LARGE1: variants seen among roughly 807,000 people sequenced by gnomAD.
The protein encoded by LARGE1 is LARGE xylosyl- and glucuronyltransferase 1.
A neutral mutation model predicts 87.6 loss-of-function variants in LARGE1; 43 were observed. The observed-to-expected ratio is 0.49, with a 90% CI of 0.38 to 0.63. The LOEUF (loss-of-function observed/expected upper bound fraction) is 0.63. Ranked by LOEUF, LARGE1 falls within the 30% of genes least tolerant of loss-of-function variation. The pLI is 0.00. For missense variants in LARGE1, 802 were observed against 1,000.2 expected (o/e 0.80, Z 2.67); for synonymous variants, 434 against 394.6 (o/e 1.10, Z -1.18).
exon 12 of LARGE1, chr22:33,166,766 T>A (rs569973652): frequency 6.4e-6 from 3 of 471,376 alleles, no homozygotes; most frequent in African/African-American, 6.0e-5. Flanking sequence ...AGGACAATTA[T>A]AGGCATGTGT....
intron 7 of LARGE1, among the ~76,000 whole-genome samples, chr22:33,400,682 A>C (rs1475742969): frequency 1.3e-5 from 2 of 152,172 alleles, no homozygotes; most frequent in Non-Finnish European, 2.9e-5. Flanking sequence ...GAGCTCCTAA[A>C]CAGCCGAAAG....
chr22:33,508,204 T>C (rs971226615), intron 6 of LARGE1, among the ~76,000 whole-genome samples: 2 of 152,174 alleles, frequency 1.3e-5, no homozygotes, highest in African/African-American at 2.4e-5. Flanking sequence ...CAGGTGGTGC[T>C]AGATCCCACC....
chr22:33,112,692 C>T, the LARGE1 span, among the ~76,000 whole-genome samples: 3 of 152,148 alleles, frequency 2.0e-5, no homozygotes, highest in Non-Finnish European at 4.4e-5. Context: ...TCTTGGTGAG[C>T]TCTTCTGAGA....
At chr22:33,174,101 C>T (rs569841822) in intron 11 of LARGE1, among the ~76,000 whole-genome samples, 2 of 152,134 alleles carry the variant, frequency 1.3e-5, no homozygotes, top group African/African-American at 4.8e-5. Flanking sequence ...GTAAAATACT[C>T]CTTAGCAAAT....
At chr22:33,700,977 C>G (rs2082390259) in intron 2 of LARGE1, among the ~76,000 whole-genome samples, 1 of 152,160 alleles carries the variant, frequency 6.6e-6, no homozygotes, top group Non-Finnish European at 1.5e-5. Flanking sequence ...ACGTTGACAG[C>G]AGTGTTTCTC....
At chr22:33,258,516 A>G (rs987281901) in intron 11 of LARGE1, among the ~76,000 whole-genome samples, 5 of 152,330 alleles carry the variant, frequency 3.3e-5, no homozygotes, top group South Asian at 2.1e-4. Context: ...GACTAGGAAC[A>G]TGAGGCTGGG....
chr22:33,401,745 G>A (rs1055817835), intron 7 of LARGE1, among the ~76,000 whole-genome samples: 7 of 152,198 alleles, frequency 4.6e-5, no homozygotes, highest in Admixed American at 3.9e-4. Flanking sequence ...AGAGAAGGGT[G>A]CGATAAAACC....
At chr22:33,479,828 T>A (rs2069235234) in intron 6 of LARGE1, among the ~76,000 whole-genome samples, 1 of 150,406 alleles carries the variant, frequency 6.6e-6, no homozygotes, top group African/African-American at 2.4e-5. Context: ...CACTGCAACC[T>A]CTGTGTCCCA....
intron 10 of LARGE1, among the ~76,000 whole-genome samples, chr22:33,327,888 C>T (rs906916747): frequency 6.6e-6 from 1 of 152,114 alleles, no homozygotes; most frequent in African/African-American, 2.4e-5. Context: ...TTCTGGCACA[C>T]CACAAATGCT....
intron 9 of LARGE1, among the ~76,000 whole-genome samples, chr22:33,357,084 T>C (rs960619032): frequency 6.6e-6 from 1 of 152,216 alleles, no homozygotes; most frequent in African/African-American, 2.4e-5. Context: ...ACTGCAGCAC[T>C]ATTCACAATA....
At chr22:33,606,961 T>C (rs1166369450) in intron 4 of LARGE1, among the ~76,000 whole-genome samples, 1 of 152,114 alleles carries the variant, frequency 6.6e-6, no homozygotes, top group African/African-American at 2.4e-5. Flanking sequence ...TGTCTACTTG[T>C]CTACACCCCC....
chr22:33,223,821 T>G (rs1925577951), intron 11 of LARGE1, among the ~76,000 whole-genome samples: 1 of 152,210 alleles, frequency 6.6e-6, no homozygotes, highest in South Asian at 2.1e-4. Context: ...TACCAGACCC[T>G]TCCGCTTAGA....
intron 5 of LARGE1, among the ~76,000 whole-genome samples, chr22:33,568,396 C>T (rs548436311): frequency 1.3e-5 from 2 of 152,256 alleles, no homozygotes; most frequent in South Asian, 4.1e-4. Context: ...AAGAGAGGAC[C>T]TAGAAGGAAA....
rs114764107 is a variant in LARGE1 at position 33,392,817 on chromosome 22, T to C, written c.893-8513A>G. 4.5e-3 allele frequency among the ~76,000 whole-genome samples: 692 copies of C among 152,334 alleles called. 6 individuals carry two copies. The highest frequency in any genetic ancestry group is 0.016 in the African/African-American group (670 of 41,574). ...ATTAATGTCCAAACCTAGTAAATCA[T>C]TTTTCTTTGTAATCCACTGATTATT... is the stretch of plus-strand genomic sequence containing the variant. On this transcript the variant is annotated intron_variant, in intron 7 of 14. Coordinates refer to ENST00000397394, the MANE Select transcript of LARGE1 (RefSeq NM_133642.5).
chr22:33,732,323 C>G (rs2083499490), intron 2 of LARGE1: 1 of 152,182 alleles, frequency 6.6e-6, no homozygotes. Context: ...TCTGGCTGAT[C>G]TTCTGCAGAA....
chr22:33,267,197 T>C (rs1226531480), intron 11 of LARGE1, among the ~76,000 whole-genome samples: 1 of 151,632 alleles, frequency 6.6e-6, no homozygotes, highest in Non-Finnish European at 1.5e-5. Context: ...GCTGAGATTG[T>C]GCTACTGCAC....
At chr22:33,321,461 T>C (rs1936705737) in intron 10 of LARGE1, among the ~76,000 whole-genome samples, 1 of 152,246 alleles carries the variant, frequency 6.6e-6, no homozygotes, top group Admixed American at 6.5e-5. Flanking sequence ...AACCAACTGC[T>C]ATGCTCCTAA....
chr22:33,398,086 A>G (rs1003608882), intron 7 of LARGE1, among the ~76,000 whole-genome samples: 1 of 152,064 alleles, frequency 6.6e-6, no homozygotes, highest in African/African-American at 2.4e-5. Flanking sequence ...ACTGGAAATG[A>G]GCGAATTTCT....
At chr22:33,888,006 G>A (rs552508487) in intron 1 of LARGE1, among the ~76,000 whole-genome samples, 8 of 152,292 alleles carry the variant, frequency 5.3e-5, no homozygotes, top group Admixed American at 3.3e-4. Flanking sequence ...CCTGAAGATG[G>A]TGGCCCCACC....
Sources: gnomAD v4.1 joint callset for allele counts (sites outside exome capture counted in the v4.1 genomes callset) on GRCh38, gnomAD v4.1.1 for gene constraint, MANE v1.5 for transcripts, NCBI Gene and HGNC (gene_info 2026-07-23, HGNC 2026-07-21) for gene names.